The following SCAP variants were observed in gnomAD, a reference collection of about 807,000 sequenced individuals.
SCAP encodes sterol regulatory element-binding protein cleavage-activating protein.
Under a neutral mutation model 123.6 loss-of-function variants are expected in SCAP, and 65 were observed. The observed-to-expected ratio is 0.53, with a 90% CI of 0.43 to 0.65. The LOEUF is 0.65. Ranked by LOEUF, SCAP falls within the 30% of genes least tolerant of loss-of-function variation. The probability of loss-of-function intolerance (pLI) is 0.00; values close to 1 mark genes in which losing one functional copy is unlikely to be tolerated. For missense variants in SCAP, 1,398 were observed against 1,712.5 expected (o/e 0.82, Z 3.24); for synonymous variants, 740 against 726.3 (o/e 1.02, Z -0.30).
rs919603088 is a variant in SCAP at position 47,439,905 on chromosome 3, T to G, written c.122+2967A>C. ...GCAGCTCAGAGAAGAAAGTCACACA[T>G]CCTCAGTGCTGTTTGGGGTGAGCCT... On this transcript the variant is annotated intron_variant, in intron 2 of 22. Coordinates refer to ENST00000265565, the MANE Select transcript of SCAP (RefSeq NM_012235.4). The surrounding 1 kb of genome is among the most constrained non-coding windows in gnomAD (Gnocchi z 4.0). 1.3e-5 allele frequency among the ~76,000 whole-genome samples: 2 copies of G among 152,244 alleles called. No individual in the cohort carries two copies. Among genetic ancestry groups the G allele is most frequent in the Non-Finnish European group, 1.5e-5 (1 of 68,020 alleles).
intron 13 of SCAP, 106 bp from the exon 14 acceptor site, chr3:47,418,949 A>C: frequency 1.7e-6 from 2 of 1,185,376 alleles, no homozygotes; most frequent in Non-Finnish European, 2.3e-6. Context: ...CCTCAGCTCC[A>C]CCGGCCAGAC....
intron 16 of SCAP, 107 bp from the exon 17 acceptor site, chr3:47,417,933 AGGGG>A (rs1705690633): frequency 1.3e-5 from 3 of 230,276 alleles, no homozygotes; most frequent in African/African-American, 7.1e-5. Flanking sequence ...GCAAGGGAAA[AGGGG>A]GTGGGGGGAG....
intron 1 of SCAP, among the ~76,000 whole-genome samples, chr3:47,472,642 A>T (rs1559575819): frequency 6.6e-6 from 1 of 152,098 alleles, no homozygotes; most frequent in Non-Finnish European, 1.5e-5. Flanking sequence ...TGACTGCTTA[A>T]GCAGAAACTG....
chr3:47,418,198 C>T lies in SCAP; in HGVS notation c.2383G>A (p.Ala795Thr). 6.3e-7 allele frequency: 1 copy of T among 1,575,300 alleles called. No individual in the cohort carries two copies. The highest frequency in any genetic ancestry group is 8.6e-7 in the Non-Finnish European group (1 of 1,161,128). The change falls in exon 16 of 23, where the codon GCA becomes ACA. Residue 795 changes from alanine (A) to threonine (T), a missense_variant. Transcript: ENST00000265565. ...DGMLLVSCCL[A>T]GHVCVWDAQT... is the part of the protein sequence containing the mutation. ...GCGTCCCACACGCAGACGTGGCCTG[C>T]CAGGCAGCAGCTCACCAGCAGCATG...
At chr3:47,425,940 C>T in intron 7 of SCAP, 57 bp downstream of exon 7, 1 of 1,592,390 alleles carries the variant, frequency 6.3e-7, no homozygotes, top group Non-Finnish European at 8.6e-7. Context: ...AAGCAGGTGA[C>T]ATGGAAATGC....
intron 1 of SCAP, among the ~76,000 whole-genome samples, chr3:47,448,399 TATC>T (rs1187443411): frequency 3.3e-5 from 5 of 152,268 alleles, no homozygotes; most frequent in Admixed American, 6.5e-5. Flanking sequence ...TACGTAGACT[TATC>T]ATGTTATCTG....
intron 1 of SCAP, among the ~76,000 whole-genome samples, chr3:47,457,416 T>C (rs967491241): frequency 1.3e-5 from 2 of 152,176 alleles, no homozygotes; most frequent in Admixed American, 6.5e-5. Flanking sequence ...CTGGATTGAC[T>C]GCGTTCCCCT....
At chr3:47,421,264 A>AG in intron 10 of SCAP, 1 of 544,230 alleles carries the variant, frequency 1.8e-6, no homozygotes, top group Non-Finnish European at 3.3e-6. Context: ...CTGAAAGGGA[A>AG]GGGGAAGTAC....
intron 1 of SCAP, among the ~76,000 whole-genome samples, chr3:47,460,028 C>A (rs553628338): frequency 2.6e-5 from 4 of 152,290 alleles, no homozygotes; most frequent in African/African-American, 9.6e-5. Context: ...TTAGCGATAT[C>A]TTCCCTACTT....
rs150395715 is a variant in SCAP at position 47,439,005 on chromosome 3, A to C, written c.122+3867T>G. On this transcript the variant is annotated intron_variant, in intron 2 of 22. Transcript: ENST00000265565. This position sits in a 1 kb window ranked among gnomAD's most constrained non-coding sequence, Gnocchi z 4.0. ...ATGAAAAACTCATACATGATATTTA[A>C]TATGTGCCAGGCACTATTCTAAGCA... 6.6e-6 allele frequency among the ~76,000 whole-genome samples: 1 copy of C among 152,140 alleles called. No homozygotes were observed. The highest frequency in any genetic ancestry group is 1.5e-5 in the Non-Finnish European group (1 of 68,022).
chr3:47,456,478 A>T (rs1358886856), intron 1 of SCAP, among the ~76,000 whole-genome samples: 1 of 152,096 alleles, frequency 6.6e-6, no homozygotes, highest in African/African-American at 2.4e-5. Context: ...TATAAAAATT[A>T]CTTTAGGCCA....
chr3:47,415,622 A>G (rs1705538360), intron 18 of SCAP, among the ~76,000 whole-genome samples: 1 of 152,210 alleles, frequency 6.6e-6, no homozygotes, highest in Non-Finnish European at 1.5e-5. Context: ...ACCCAAGCAC[A>G]GCTCACATCA....
intron 1 of SCAP, among the ~76,000 whole-genome samples, chr3:47,469,141 A>T (rs563730329): frequency 1.3e-5 from 2 of 152,340 alleles, no homozygotes; most frequent in Non-Finnish European, 2.9e-5. Flanking sequence ...TGAGGTCAGG[A>T]GTTCAAGACC....
At chr3:47,457,454 T>C (rs944584473) in intron 1 of SCAP, among the ~76,000 whole-genome samples, 1 of 152,148 alleles carries the variant, frequency 6.6e-6, no homozygotes, top group Admixed American at 6.5e-5. Flanking sequence ...CTGAATCACC[T>C]TGTGTTCCCT....
chr3:47,460,747 G>A (rs1559567345), intron 1 of SCAP, among the ~76,000 whole-genome samples: 1 of 151,996 alleles, frequency 6.6e-6, no homozygotes, highest in Non-Finnish European at 1.5e-5. Flanking sequence ...TAGTAGATAT[G>A]GGGTTTCACC....
chr3:47,418,971 G>C, intron 13 of SCAP, 128 bp from the exon 14 acceptor site: 4 of 1,042,786 alleles, frequency 3.8e-6, no homozygotes, highest in Non-Finnish European at 5.3e-6. Flanking sequence ...CTCCCAGCAT[G>C]GGGGGTTGGG....
rs146367862 is a variant in SCAP, at chr3:47,431,756, A to C, written c.253-3086T>G. Among the ~76,000 whole-genome samples the C allele has an allele frequency of 6.7e-3, 1,027 of 152,276 alleles. 16 individuals are homozygous for C. Among genetic ancestry groups the C allele is most frequent in the African/African-American group, 0.023 (965 of 41,546 alleles). ...ATTTATCACTGCTGCTTTAACCCCA[A>C]TCACTTACTGTAGGAGGTGTCTGTC... On this transcript the variant is annotated intron_variant, in intron 3 of 22. Transcript: ENST00000265565.
chr3:47,415,385 T>C (rs1705528537), intron 18 of SCAP, among the ~76,000 whole-genome samples: 1 of 152,148 alleles, frequency 6.6e-6, no homozygotes, highest in Admixed American at 6.5e-5. Flanking sequence ...TCTTCATCCG[T>C]AAAATGGGGA....
Position 47,415,095 on chromosome 3 carries a change from G to T in SCAP, c.3139+3C>A, listed in dbSNP as rs768049986. ...AACACCTGCCCACCCCAGGCCCTCCGACCTCTAAACTGCAGGGGGCTGAGG... is the reference window on the plus strand; with the variant it reads ...AACACCTGCCCACCCCAGGCCCTCCTACCTCTAAACTGCAGGGGGCTGAGG... On this transcript the variant is annotated splice_donor_region_variant and intron_variant, in intron 19 of 22. Coordinates refer to ENST00000265565, the MANE Select transcript of SCAP (RefSeq NM_012235.4). The T allele has an allele frequency of 3.1e-6, 5 of 1,602,890 alleles. No individual in the cohort carries two copies. The highest frequency in any genetic ancestry group is 4.3e-6 in the Non-Finnish European group (5 of 1,176,274).
Sources: allele counts gnomAD v4.1 joint callset (sites outside exome capture counted in the v4.1 genomes callset), GRCh38; gene constraint gnomAD v4.1.1; non-coding constraint Gnocchi (gnomAD v3.1); transcripts MANE v1.5; gene names NCBI Gene and HGNC (gene_info 2026-07-23, HGNC 2026-07-21).